COL25A1: variants seen among roughly 807,000 people sequenced by gnomAD.
COL25A1 encodes the protein collagen type XXV alpha 1 chain.
Under a neutral mutation model 128.4 loss-of-function variants are expected in COL25A1, and 103 were observed. The ratio of observed to expected loss-of-function variants is 0.80; its 90% CI spans 0.68 to 0.94. The LOEUF (loss-of-function observed/expected upper bound fraction) is 0.94, where lower values mean the gene tolerates loss of function less well. Among genes scored for constraint, COL25A1 ranks in the 40% least tolerant of loss-of-function variants. The pLI is 0.00. For synonymous variants in COL25A1, 279 were observed against 277.2 expected, an observed-to-expected ratio of 1.01 and a Z score of -0.06; for missense variants, 745 against 840.0, an observed-to-expected ratio of 0.89 and a Z score of 1.40.
At chr4:108,954,246 A>T (rs1749796272) in intron 8 of COL25A1, among the ~76,000 whole-genome samples, 1 of 152,106 alleles carries the variant, frequency 6.6e-6, no homozygotes, top group Non-Finnish European at 1.5e-5. Flanking sequence ...TCTAAACTTT[A>T]GAATGATATA....
intron 3 of COL25A1, among the ~76,000 whole-genome samples, chr4:109,264,163 G>A (rs1034328404): frequency 1.3e-5 from 2 of 152,210 alleles, no homozygotes; most frequent in Non-Finnish European, 2.9e-5. Context: ...AGGCTGAAGA[G>A]GGTGAAGGCT....
chr4:108,945,095 G>A (rs1040185470), intron 8 of COL25A1, among the ~76,000 whole-genome samples: 1 of 152,140 alleles, frequency 6.6e-6, no homozygotes, highest in East Asian at 1.9e-4. Context: ...ATCCTACAGA[G>A]TGTTTCAAAG....
At chr4:109,050,929 T>C (rs1315689007) in intron 3 of COL25A1, among the ~76,000 whole-genome samples, 3 of 151,998 alleles carry the variant, frequency 2.0e-5, no homozygotes, top group Non-Finnish European at 4.4e-5. Context: ...CAAGCTAGTA[T>C]GTATCAGACT....
chr4:109,167,537 C>T (rs1372327386), intron 3 of COL25A1, among the ~76,000 whole-genome samples: 1 of 152,116 alleles, frequency 6.6e-6, no homozygotes, highest in African/African-American at 2.4e-5. Flanking sequence ...ATTTTAGGGA[C>T]AACCTTAGGA....
chr4:108,915,946 A>G (rs1253751081), intron 13 of COL25A1, among the ~76,000 whole-genome samples: 4 of 152,228 alleles, frequency 2.6e-5, no homozygotes, highest in Admixed American at 2.6e-4. Context: ...CTAGAGTTCA[A>G]GAAATTTGTT....
chr4:108,902,454 C>T (rs925536928), intron 13 of COL25A1, among the ~76,000 whole-genome samples: 8 of 151,960 alleles, frequency 5.3e-5, no homozygotes, highest in African/African-American at 1.2e-4. Context: ...GATAAGTGAA[C>T]GAATGTATCT....
intron 3 of COL25A1, among the ~76,000 whole-genome samples, chr4:109,124,448 T>C (rs193191440): frequency 3.3e-5 from 5 of 152,132 alleles, no homozygotes; most frequent in Admixed American, 3.3e-4. Flanking sequence ...AACCTCTCCT[T>C]ACTAATACAC....
intron 3 of COL25A1, among the ~76,000 whole-genome samples, chr4:109,113,571 G>A (rs1280711405): frequency 1.3e-5 from 2 of 151,916 alleles, no homozygotes; most frequent in African/African-American, 4.8e-5. Flanking sequence ...AAATGTTAAT[G>A]GATACATTTA....
chr4:109,117,185 C>T (rs967871026), intron 3 of COL25A1, among the ~76,000 whole-genome samples: 2 of 151,880 alleles, frequency 1.3e-5, no homozygotes, highest in South Asian at 4.1e-4. Context: ...CCACACTACA[C>T]CTAGGTATAC....
At chr4:109,003,754 C>T (rs568130796) in intron 6 of COL25A1, among the ~76,000 whole-genome samples, 5 of 152,202 alleles carry the variant, frequency 3.3e-5, no homozygotes, top group African/African-American at 7.2e-5. Context: ...GAGCCAAGAT[C>T]GCGCCATTGC....
chr4:109,244,302 T>C (rs1285986493), intron 3 of COL25A1, among the ~76,000 whole-genome samples: 1 of 152,000 alleles, frequency 6.6e-6, no homozygotes, highest in African/African-American at 2.4e-5. Context: ...TATTTTAGTA[T>C]CCATTGACAT....
At chr4:109,186,584 C>T (rs1481353670) in intron 3 of COL25A1, among the ~76,000 whole-genome samples, 1 of 152,030 alleles carries the variant, frequency 6.6e-6, no homozygotes, top group Non-Finnish European at 1.5e-5. Context: ...TCTTGAAAAT[C>T]CAAAAAGGTC....
chr4:109,171,013 C>G (rs1482772516), intron 3 of COL25A1, among the ~76,000 whole-genome samples: 1 of 152,142 alleles, frequency 6.6e-6, no homozygotes, highest in African/African-American at 2.4e-5. Context: ...TTTTTCACTT[C>G]TATATCCCTG....
chr4:109,129,343 G>A (rs1768942985), intron 3 of COL25A1, among the ~76,000 whole-genome samples: 2 of 151,894 alleles, frequency 1.3e-5, no homozygotes. Flanking sequence ...TGGTCAGGCT[G>A]GTCTCGAACT....
At chr4:109,239,880 T>G (rs1296695961) in intron 3 of COL25A1, among the ~76,000 whole-genome samples, 1 of 152,104 alleles carries the variant, frequency 6.6e-6, no homozygotes, top group African/African-American at 2.4e-5. Context: ...TTAAATTTTT[T>G]TGGTTTTACT....
chr4:109,080,608 G>A (rs1229289852), intron 3 of COL25A1, among the ~76,000 whole-genome samples: 2 of 152,124 alleles, frequency 1.3e-5, no homozygotes, highest in African/African-American at 4.8e-5. Flanking sequence ...ACAATGATGA[G>A]CAGTGATATT....
Position 109,301,798 on chromosome 4 carries a change from G to A in COL25A1, c.222C>T (p.Ser74=). The change falls in exon 2 of 38, where the codon TCC becomes TCT. Residue 74 remains serine (S), a synonymous_variant. Transcript: ENST00000399132. The stretch of plus-strand genomic sequence containing the variant: ...CCAGGGTATCAGGCAGCAGATGAAT[G>A]GAAGGGGCCCCTTTGGCGGATTCGA... ...AALESAKGAP[S]IHLLPDTLDH... is the part of the protein sequence containing the mutation. 2 of 1,614,240 alleles carry A rather than the reference G, an allele frequency of 1.2e-6. No homozygotes were observed. The highest frequency in any genetic ancestry group is 2.2e-5 in the East Asian group (1 of 44,876).
intron 5 of COL25A1, among the ~76,000 whole-genome samples, chr4:109,046,798 A>G (rs1039482247): frequency 1.3e-5 from 2 of 152,226 alleles, no homozygotes; most frequent in African/African-American, 4.8e-5. Flanking sequence ...GGCCTGTTAG[A>G]TAAGTTGCCA....
At chr4:108,823,652 C>T (rs1213460081) in intron 35 of COL25A1, among the ~76,000 whole-genome samples, 1 of 152,168 alleles carries the variant, frequency 6.6e-6, no homozygotes, top group Non-Finnish European at 1.5e-5. Context: ...TGCTCTGAAT[C>T]TGAAAGTGGC....
Sources: allele counts gnomAD v4.1 joint callset (sites outside exome capture counted in the v4.1 genomes callset), GRCh38; gene constraint gnomAD v4.1.1; transcripts MANE v1.5; gene names NCBI Gene and HGNC (gene_info 2026-07-23, HGNC 2026-07-21).